Variants in GLT1D1 observed in about 807,000 individuals in gnomAD.
GLT1D1 encodes glycosyltransferase 1 domain containing 1.
In GLT1D1, 21 loss-of-function variants were observed where a neutral mutation model predicts 28.7. The observed-to-expected ratio is 0.73, with a 90% CI of 0.52 to 1.05. The LOEUF (loss-of-function observed/expected upper bound fraction) is 1.05. GLT1D1 is among the 50% of genes least tolerant of loss of function. GLT1D1 has a pLI of 0.00. For synonymous variants in GLT1D1, 147 were observed against 124.8 expected, an observed-to-expected ratio of 1.18 and a Z score of -1.19; for missense variants, 343 against 330.6, an observed-to-expected ratio of 1.04 and a Z score of -0.29.
chr12:128,974,310 G>C (rs78697746), intron 7 of GLT1D1, among the ~76,000 whole-genome samples: 1,571 of 152,166 alleles, frequency 0.01, 30 homozygotes, highest in African/African-American at 0.036. Flanking sequence ...AGATGGCAAG[G>C]GCTCTTGCTC....
At chr12:128,881,534 GAAAAAAAAA>G (rs1161429342) in intron 2 of GLT1D1, among the ~76,000 whole-genome samples, 13 of 23,906 alleles carry the variant, frequency 5.4e-4, no homozygotes, top group African/African-American at 8.0e-4. Context: ...ACTCTGTATC[GAAAAAAAAA>G]AAAAAAAAAA....
chr12:128,872,979 T>C (rs1469524503), intron 1 of GLT1D1, among the ~76,000 whole-genome samples: 4 of 152,250 alleles, frequency 2.6e-5, no homozygotes, highest in Admixed American at 2.6e-4. Context: ...CACTGCAGCC[T>C]TGAATTCCTG....
At chr12:128,870,279 C>CA (rs1355497030) in intron 1 of GLT1D1, among the ~76,000 whole-genome samples, 1 of 151,938 alleles carries the variant, frequency 6.6e-6, no homozygotes, top group Non-Finnish European at 1.5e-5. Context: ...ACAACAACAA[C>CA]AAAAAAACAA....
At chr12:128,868,764 C>G (rs1956611389) in intron 1 of GLT1D1, among the ~76,000 whole-genome samples, 1 of 152,178 alleles carries the variant, frequency 6.6e-6, no homozygotes, top group African/African-American at 2.4e-5. Flanking sequence ...GTCAGATTTT[C>G]CAGTAGTCAC....
chr12:128,887,217 G>A (rs1038590218), intron 2 of GLT1D1, among the ~76,000 whole-genome samples: 2 of 151,848 alleles, frequency 1.3e-5, no homozygotes, highest in African/African-American at 4.8e-5. Flanking sequence ...GAATTTTGCC[G>A]TGTTGCCCAG....
Position 128,927,059 on chromosome 12 carries a change from TTAAACCCA to T in GLT1D1, c.376-18265_376-18258del, listed in dbSNP as rs1477890699. The stretch of plus-strand genomic sequence containing the variant: ...AGTTAGTTGTGCTTGCAGCTGTGAC[TTAAACCCA>T]TTTGAAGTGTTTTTTTGTCTTCTTT... On this transcript the variant is annotated intron_variant, in intron 4 of 7. Transcript: ENST00000281703. 9.1e-6 allele frequency: 13 copies of T among 1,429,466 alleles called. No homozygotes were observed. The African/African-American group carries it at 1.8e-4, about 20-fold the overall frequency. 88.5% of individuals were successfully genotyped at this position (1,429,466 alleles called of 1,614,324 possible).
At chr12:128,969,755 G>A (rs887138849) in intron 7 of GLT1D1, among the ~76,000 whole-genome samples, 1 of 152,202 alleles carries the variant, frequency 6.6e-6, no homozygotes, top group Non-Finnish European at 1.5e-5. Context: ...CCTTCCCGCT[G>A]TGAGCTCAGT....
At chr12:128,973,614 C>A (rs1185624586) in intron 7 of GLT1D1, among the ~76,000 whole-genome samples, 2 of 152,078 alleles carry the variant, frequency 1.3e-5, no homozygotes, top group Non-Finnish European at 2.9e-5. Flanking sequence ...AGCCGTCACA[C>A]AAGCCCAGAG....
At chr12:128,975,789 C>G (rs919642827) in intron 7 of GLT1D1, among the ~76,000 whole-genome samples, 1 of 152,130 alleles carries the variant, frequency 6.6e-6, no homozygotes, top group Non-Finnish European at 1.5e-5. Flanking sequence ...TTAAAGTGAG[C>G]CCCTAACTGT....
At chr12:128,897,997 G>A (rs1869847195) in intron 3 of GLT1D1, among the ~76,000 whole-genome samples, 1 of 151,812 alleles carries the variant, frequency 6.6e-6, no homozygotes, top group Non-Finnish European at 1.5e-5. Flanking sequence ...AATGTATTTG[G>A]GTCTGTTTCT....
chr12:128,971,331 T>C (rs1879028013), intron 7 of GLT1D1, among the ~76,000 whole-genome samples: 1 of 135,632 alleles, frequency 7.4e-6, no homozygotes, highest in African/African-American at 2.8e-5. Context: ...CCCTCCTTTC[T>C]TCCTCCCTCC....
intron 7 of GLT1D1, among the ~76,000 whole-genome samples, chr12:128,982,571 C>T (rs879685174): frequency 2.0e-5 from 3 of 152,148 alleles, no homozygotes; most frequent in Non-Finnish European, 2.9e-5. Context: ...AGAGGGAAGA[C>T]ATTGTGGATC....
Position 128,856,540 on chromosome 12 carries a change from G to A in GLT1D1, c.68+2891G>A, listed in dbSNP as rs765320914. 5.9e-5 allele frequency among the ~76,000 whole-genome samples: 9 copies of A among 152,136 alleles called. No homozygotes were observed. In the South Asian group the frequency reaches 8.3e-4, roughly 14 times the overall value. ...CGGAGATGACATTGAAGCTAAGACCGAAAAGAGGCTGTCACTGAGATCTGG... is the reference window on the plus strand; with the variant it reads ...CGGAGATGACATTGAAGCTAAGACCAAAAAGAGGCTGTCACTGAGATCTGG... On this transcript the variant is annotated intron_variant, in intron 1 of 7. Coordinates refer to ENST00000281703, the MANE Select transcript of GLT1D1 (RefSeq NM_144669.3).
At chr12:128,915,311 A>G (rs1462110683) in intron 4 of GLT1D1, among the ~76,000 whole-genome samples, 1 of 152,128 alleles carries the variant, frequency 6.6e-6, no homozygotes, top group Non-Finnish European at 1.5e-5. Flanking sequence ...TACTAATTAT[A>G]CACGTAGTTA....
intron 1 of GLT1D1, among the ~76,000 whole-genome samples, chr12:128,856,921 C>T (rs1249608269): frequency 3.3e-5 from 5 of 151,978 alleles, no homozygotes; most frequent in Admixed American, 1.3e-4. Context: ...GCCAAGATGG[C>T]GCCACTGCAC....
chr12:128,899,787 A>T (rs1388509862), intron 4 of GLT1D1, among the ~76,000 whole-genome samples: 4 of 152,060 alleles, frequency 2.6e-5, no homozygotes, highest in African/African-American at 9.6e-5. Flanking sequence ...ACTGGCCTCA[A>T]ATGATCTGCC....
intron 2 of GLT1D1, among the ~76,000 whole-genome samples, chr12:128,879,446 C>CTTTA: frequency 9.6e-6 from 1 of 103,874 alleles, no homozygotes; most frequent in Non-Finnish European, 2.0e-5. Context: ...TTCTTTCTTT[C>CTTTA]TTTCTTTCTT....
At chr12:128,955,669 TGATA>T (rs1877203238) in intron 6 of GLT1D1, among the ~76,000 whole-genome samples, 1 of 152,162 alleles carries the variant, frequency 6.6e-6, no homozygotes. Flanking sequence ...GAGAACATAC[TGATA>T]GATTTGGCTG....
intron 1 of GLT1D1, among the ~76,000 whole-genome samples, chr12:128,864,449 T>C (rs1956465829): frequency 6.6e-6 from 1 of 151,992 alleles, no homozygotes; most frequent in Non-Finnish European, 1.5e-5. Flanking sequence ...GCCCATCTGC[T>C]CAAGACGCCA....
Sources: allele counts gnomAD v4.1 joint callset (sites outside exome capture counted in the v4.1 genomes callset), GRCh38; gene constraint gnomAD v4.1.1; transcripts MANE v1.5; gene names NCBI Gene and HGNC (gene_info 2026-07-23, HGNC 2026-07-21).